The following CFAP299 variants were observed in gnomAD, a reference collection of about 807,000 sequenced individuals.
CFAP299 encodes cilia and flagella associated protein 299, also known as cilia- and flagella-associated protein 299.
CFAP299 carries 21 observed loss-of-function variants against 27.0 expected under a neutral mutation model. That is an observed-to-expected ratio of 0.78 (90% confidence interval 0.55 to 1.12). CFAP299 has a LOEUF of 1.12. Ranked by LOEUF, CFAP299 falls within the 50% of genes most tolerant of loss-of-function variation. The pLI is 0.00. For missense variants in CFAP299, 310 were observed against 276.6 expected (o/e 1.12, Z -0.86); for synonymous variants, 104 against 98.1 (o/e 1.06, Z -0.36).
intron 3 of CFAP299, among the ~76,000 whole-genome samples, chr4:80,790,095 C>A (rs1727468388): frequency 6.6e-6 from 1 of 151,918 alleles, no homozygotes; most frequent in Non-Finnish European, 1.5e-5. Flanking sequence ...TATTACAGTT[C>A]TTTTGTGTGT....
chr4:80,597,422 C>A (rs986405825), intron 3 of CFAP299, among the ~76,000 whole-genome samples: 1 of 151,998 alleles, frequency 6.6e-6, no homozygotes, highest in Non-Finnish European at 1.5e-5. Context: ...TTGTCTTTTT[C>A]TTATGTAGGC....
intron 1 of CFAP299, among the ~76,000 whole-genome samples, chr4:80,343,776 G>C (rs1280652273): frequency 1.4e-5 from 2 of 145,866 alleles, no homozygotes; most frequent in Non-Finnish European, 3.0e-5. Flanking sequence ...GGTCCGGCCT[G>C]GGCGACAGAG....
chr4:80,670,187 G>C (rs1741397180), intron 3 of CFAP299, among the ~76,000 whole-genome samples: 1 of 150,626 alleles, frequency 6.6e-6, no homozygotes, highest in Admixed American at 6.6e-5. Flanking sequence ...CCCGCCCTAT[G>C]TCCAAGTGTT....
At chr4:80,944,236 C>T (rs544364516) in intron 4 of CFAP299, among the ~76,000 whole-genome samples, 2 of 152,152 alleles carry the variant, frequency 1.3e-5, no homozygotes, top group South Asian at 2.1e-4. Context: ...TTGACCTCCC[C>T]GAGTCGTTTT....
intron 2 of CFAP299, among the ~76,000 whole-genome samples, chr4:80,368,556 T>G (rs1468894762): frequency 6.6e-6 from 1 of 151,922 alleles, no homozygotes; most frequent in Non-Finnish European, 1.5e-5. Context: ...CTTTGGGAGG[T>G]TGAGATAGAA....
At chr4:80,677,007 C>T (rs374674972) in intron 3 of CFAP299, among the ~76,000 whole-genome samples, 3 of 151,668 alleles carry the variant, frequency 2.0e-5, no homozygotes, top group African/African-American at 7.3e-5. Context: ...CTTGTTCTTG[C>T]TTTTCTAAAT....
chr4:80,407,799 C>A (rs1281184538), intron 2 of CFAP299, among the ~76,000 whole-genome samples: 1 of 152,118 alleles, frequency 6.6e-6, no homozygotes, highest in Admixed American at 6.5e-5. Flanking sequence ...TGTTCATTAT[C>A]CTCTTACTTT....
At chr4:80,791,666 A>G (rs1051572041) in intron 3 of CFAP299, among the ~76,000 whole-genome samples, 3 of 151,992 alleles carry the variant, frequency 2.0e-5, no homozygotes, top group Non-Finnish European at 2.9e-5. Flanking sequence ...AAACCCCTAA[A>G]TATGTGCAAG....
rs188493438 is a variant in CFAP299 at position 80,474,723 on chromosome 4, T to C, written c.243-108370T>C. Among the ~76,000 whole-genome samples, 33 of 152,346 alleles carry C rather than the reference T, an allele frequency of 2.2e-4. No individual in the cohort carries two copies. The East Asian group carries it at 5.6e-3, about 26-fold the overall frequency. Reference sequence around the variant, plus strand: ...AAATAATGAAAATGTAAAGAATATGTTTATAAATTGACTATCAATTTATTC... The same window carrying C: ...AAATAATGAAAATGTAAAGAATATGCTTATAAATTGACTATCAATTTATTC... On this transcript the variant is annotated intron_variant, in intron 2 of 5. Coordinates refer to ENST00000358105, the MANE Select transcript of CFAP299 (RefSeq NM_152770.3).
intron 2 of CFAP299, among the ~76,000 whole-genome samples, chr4:80,437,051 A>G (rs1578441372): frequency 6.6e-6 from 1 of 152,306 alleles, no homozygotes; most frequent in East Asian, 1.9e-4. Context: ...CTGCTGGGAC[A>G]TAGGGCTAGC....
At chr4:80,769,448 G>A (rs775444224) in intron 3 of CFAP299, among the ~76,000 whole-genome samples, 16 of 152,116 alleles carry the variant, frequency 1.1e-4, no homozygotes, top group Non-Finnish European at 2.2e-4. Flanking sequence ...AGGCTAGAGT[G>A]TGGTGGTGTG....
chr4:80,376,395 A>G (rs1461812015), intron 2 of CFAP299, among the ~76,000 whole-genome samples: 13 of 152,228 alleles, frequency 8.5e-5, no homozygotes, highest in Admixed American at 8.5e-4. Flanking sequence ...GATCTTTTTA[A>G]GGAAATATGT....
intron 4 of CFAP299, among the ~76,000 whole-genome samples, chr4:80,887,100 G>A (rs796230606): frequency 1.3e-5 from 2 of 151,838 alleles, no homozygotes; most frequent in East Asian, 3.9e-4. Flanking sequence ...GCCCCAAAAG[G>A]GTAAATCTAA....
chr4:80,618,475 C>T (rs1267057886), intron 3 of CFAP299, among the ~76,000 whole-genome samples: 1 of 151,770 alleles, frequency 6.6e-6, no homozygotes, highest in Non-Finnish European at 1.5e-5. Flanking sequence ...AAAAGTGTGT[C>T]ATAGATCCAA....
At chr4:80,915,742 T>G (rs1301689871) in intron 4 of CFAP299, among the ~76,000 whole-genome samples, 1 of 152,062 alleles carries the variant, frequency 6.6e-6, no homozygotes, top group African/African-American at 2.4e-5. Context: ...TTTTTTTCCT[T>G]GAGCAGTGTC....
intron 3 of CFAP299, among the ~76,000 whole-genome samples, chr4:80,786,116 C>T (rs939738340): frequency 6.6e-6 from 1 of 151,834 alleles, no homozygotes; most frequent in Non-Finnish European, 1.5e-5. Context: ...AACTAGTTAC[C>T]CTGAATTCTA....
intron 2 of CFAP299, chr4:80,388,205 G>C: frequency 1.4e-6 from 1 of 696,398 alleles, no homozygotes; most frequent in Non-Finnish European, 2.7e-6. Flanking sequence ...GAGGTGGCTG[G>C]GCACAGAATG....
At chr4:80,377,262 GT>G (rs1415532990) in intron 2 of CFAP299, among the ~76,000 whole-genome samples, 1 of 151,940 alleles carries the variant, frequency 6.6e-6, no homozygotes, top group Non-Finnish European at 1.5e-5. Flanking sequence ...TCACATTTAA[GT>G]TTGTATTAAT....
chr4:80,573,232 A>C (rs1601512), intron 2 of CFAP299, among the ~76,000 whole-genome samples: 2 of 152,104 alleles, frequency 1.3e-5, no homozygotes, highest in Non-Finnish European at 2.9e-5. Context: ...ATGATGTTGA[A>C]CACCTTTTTA....
Sources: gnomAD v4.1 joint callset for allele counts (sites outside exome capture counted in the v4.1 genomes callset) on GRCh38, gnomAD v4.1.1 for gene constraint, MANE v1.5 for transcripts, NCBI Gene and HGNC (gene_info 2026-07-23, HGNC 2026-07-21) for gene names.